The following GGACT variants were observed in gnomAD, a reference collection of about 807,000 sequenced individuals.
The protein encoded by GGACT is gamma-glutamylaminecyclotransferase.
For missense variants in GGACT, 241 were observed against 233.2 expected, an observed-to-expected ratio of 1.03 and a Z score of -0.22; for synonymous variants, 118 against 115.3, an observed-to-expected ratio of 1.02 and a Z score of -0.15.
intron 2 of GGACT, among the ~76,000 whole-genome samples, chr13:100,579,347 A>G (rs1372041065): frequency 6.6e-6 from 1 of 152,206 alleles, no homozygotes; most frequent in Non-Finnish European, 1.5e-5. Context: ...TGAGGGGTTC[A>G]GCAGCTCAGT....
At position 100,545,128 on chromosome 13, in the gene GGACT, C is replaced by T. The variant is rs559266431; in HGVS notation, c.-10-12527G>A. Among the ~76,000 whole-genome samples, 26 of 152,250 alleles carry T rather than the reference C, an allele frequency of 1.7e-4. No individual in the cohort carries two copies. Among genetic ancestry groups the T allele is most frequent in the Non-Finnish European group, 2.9e-4 (20 of 68,042 alleles). On this transcript the variant is annotated intron_variant, in intron 2 of 2. Coordinates refer to ENST00000683975, the MANE Select transcript of GGACT (RefSeq NM_001195087.2). This position sits in a 1 kb window ranked among gnomAD's most constrained non-coding sequence, Gnocchi z 4.4. ...GTCACACAGGGCCAACCTGCAGGCACGGCCTCAGGAACCTGGCTCCACTTG... is the reference window on the plus strand; with the variant it reads ...GTCACACAGGGCCAACCTGCAGGCATGGCCTCAGGAACCTGGCTCCACTTG...
chr13:100,550,401 C>T (rs1306867515), intron 2 of GGACT, among the ~76,000 whole-genome samples: 1 of 128,568 alleles, frequency 7.8e-6, no homozygotes, highest in African/African-American at 3.2e-5. Flanking sequence ...GAATTAAATC[C>T]GAGCCGATTA....
chr13:100,532,270 G>A lies in GGACT; in HGVS notation c.322C>T (p.Pro108Ser). The A allele has an allele frequency of 6.5e-7, 1 of 1,533,148 alleles. No individual in the cohort carries two copies. The highest frequency in any genetic ancestry group is 8.8e-7 in the Non-Finnish European group (1 of 1,134,814). The allele number at this position is 1,533,148 out of a possible 1,614,324, so 95.0% of individuals were successfully genotyped here. A position where few individuals can be genotyped will look rare whatever the true frequency, so the allele number is the denominator to read the frequency against. Residue 108 changes from proline to serine, a missense_variant, in exon 3 of 3, where the codon CCG (proline) becomes TCG (serine). Pro to Ser is a moderately conservative substitution (Grantham distance 74). Coordinates refer to ENST00000683975, the MANE Select transcript of GGACT (RefSeq NM_001195087.2). ...LEDRAPGAEEPPAPTAVQCFV... is the reference protein window; with the variant it reads ...LEDRAPGAEESPAPTAVQCFV... ...CACTGCACCGCGGTGGGCGCTGGCGGCTCCTCTGCGCCCGGGGCCCGGTCC... is the reference window on the plus strand; with the variant it reads ...CACTGCACCGCGGTGGGCGCTGGCGACTCCTCTGCGCCCGGGGCCCGGTCC...
chr13:100,561,092 C>T lies in GGACT; in HGVS notation c.-11+22733G>A, dbSNP rs1000471375. 3.9e-5 allele frequency among the ~76,000 whole-genome samples: 6 copies of T among 152,296 alleles called. No homozygotes were observed. The South Asian group carries it at 8.3e-4, about 21-fold the overall frequency. On this transcript the variant is annotated intron_variant, in intron 2 of 2. Transcript: ENST00000683975. ...ATTCATGGTGAAGCTTGTGGCTACGCCCTCCTAAGTCTCATCAAGCAGCAA... is the reference window on the plus strand; with the variant it reads ...ATTCATGGTGAAGCTTGTGGCTACGTCCTCCTAAGTCTCATCAAGCAGCAA...
In GGACT at chr13:100,538,949, T is replaced by C. The variant is rs377129293; in HGVS notation, c.-10-6348A>G. The stretch of plus-strand genomic sequence containing the variant: ...CACATCTTGCCTGCTTGGTTAAGTT[T>C]ATTCCTAAGTATTTTATTCTTTTTG... On this transcript the variant is annotated intron_variant, in intron 2 of 2. Coordinates refer to ENST00000683975, the MANE Select transcript of GGACT (RefSeq NM_001195087.2). 4.6e-5 allele frequency: 7 copies of C among 152,246 alleles called. No individual in the cohort carries two copies. In the East Asian group the frequency reaches 1.3e-3, roughly 29 times the overall value. The allele number at this position is 152,246 out of a possible 1,614,324, so 9.4% of individuals were successfully genotyped here. A position where few individuals can be genotyped will look rare whatever the true frequency, so the allele number is the denominator to read the frequency against.
chr13:100,584,548 A>G (rs56791702), intron 1 of GGACT, among the ~76,000 whole-genome samples: 3,352 of 152,300 alleles, frequency 0.022, 125 homozygotes, highest in African/African-American at 0.078. Flanking sequence ...AGCAGGAATA[A>G]GATCTAGTAT....
Position 100,530,664 on chromosome 13 carries a change from G to C in GGACT, c.*1466C>G. 4.3e-6 allele frequency: 1 copy of C among 230,472 alleles called. No individual in the cohort carries two copies. The highest frequency in any genetic ancestry group is 1.2e-4 in the East Asian group (1 of 8,406). 14.3% of individuals were successfully genotyped at this position (230,472 alleles called of 1,614,324 possible). On this transcript the variant is annotated 3_prime_UTR_variant, in exon 3 of 3. Transcript: ENST00000683975. ...GTGCTGATTTTCAAAACTTCCTAAGGACCAGAGACTGCAAATGCAGATTTT... is the reference window on the plus strand; with the variant it reads ...GTGCTGATTTTCAAAACTTCCTAAGCACCAGAGACTGCAAATGCAGATTTT...
intron 1 of GGACT, among the ~76,000 whole-genome samples, chr13:100,588,006 A>ACAGG (rs1240473833): frequency 6.6e-6 from 1 of 152,224 alleles, no homozygotes; most frequent in Non-Finnish European, 1.5e-5. Flanking sequence ...AGCCTGGGCA[A>ACAGG]CAGGGCAAGA....
At chr13:100,585,237 G>A (rs959989715) in intron 1 of GGACT, among the ~76,000 whole-genome samples, 6 of 152,228 alleles carry the variant, frequency 3.9e-5, no homozygotes, top group Admixed American at 1.3e-4. Flanking sequence ...GACTTGGGTC[G>A]GCAAACCACA....
At chr13:100,553,821 G>C (rs900273284) in intron 2 of GGACT, among the ~76,000 whole-genome samples, 4 of 143,956 alleles carry the variant, frequency 2.8e-5, no homozygotes, top group African/African-American at 1.1e-4. Flanking sequence ...TCCAGCGGGG[G>C]TGACGAAGCG....
chr13:100,562,703 C>T (rs548779598), intron 2 of GGACT, among the ~76,000 whole-genome samples: 15 of 150,912 alleles, frequency 9.9e-5, no homozygotes, highest in Non-Finnish European at 1.8e-4. Flanking sequence ...GGCTGAGGCA[C>T]GAGAATCACT....
chr13:100,533,125 G>A (rs139600037), intron 2 of GGACT, among the ~76,000 whole-genome samples: 77 of 152,308 alleles, frequency 5.1e-4, no homozygotes, highest in African/African-American at 1.5e-3. Flanking sequence ...CAGCCTCCCC[G>A]ACTCCCTGAG....
At chr13:100,532,646 C>T in intron 2 of GGACT, 45 bp from the exon 3 acceptor site, 1 of 1,441,106 alleles carries the variant, frequency 6.9e-7, no homozygotes. Context: ...AGTGGGAGCT[C>T]TGTGTCTGCA....
chr13:100,576,690 A>T (rs1875257212), intron 2 of GGACT, among the ~76,000 whole-genome samples: 2 of 152,220 alleles, frequency 1.3e-5, no homozygotes, highest in Non-Finnish European at 2.9e-5. Context: ...TTTCATTTAC[A>T]TGACATTCTG....
At chr13:100,575,809 C>G (rs755251952) in intron 2 of GGACT, among the ~76,000 whole-genome samples, 10 of 152,162 alleles carry the variant, frequency 6.6e-5, no homozygotes, top group Non-Finnish European at 1.3e-4. Context: ...AGTTAAAGGG[C>G]ATTCAAACAA....
rs1044617665 is a variant in GGACT, at chr13:100,531,107, C to T, written c.*1023G>A. The T allele has an allele frequency of 6.6e-6, 1 of 152,350 alleles. No individual in the cohort carries two copies. Among genetic ancestry groups the T allele is most frequent in the South Asian group, 2.1e-4 (1 of 4,826 alleles). The allele number at this position is 152,350 out of a possible 1,614,324, so 9.4% of individuals were successfully genotyped here. ...AGGTTACTAAAGATCACAGCAGCTG[C>T]ATTTTCATTTGGTTCTGAAATCCTT... On this transcript the variant is annotated 3_prime_UTR_variant, in exon 3 of 3. Transcript: ENST00000683975.
intron 2 of GGACT, among the ~76,000 whole-genome samples, chr13:100,548,802 A>G (rs1052195074): frequency 1.3e-5 from 2 of 152,286 alleles, no homozygotes; most frequent in African/African-American, 4.8e-5. Flanking sequence ...GCCCAGGCCA[A>G]GCAAGGCAAA....
rs747102570 is a variant in GGACT at position 100,573,509 on chromosome 13, T to C, written c.-11+10316A>G. On this transcript the variant is annotated intron_variant, in intron 2 of 2. Coordinates refer to ENST00000683975, the MANE Select transcript of GGACT (RefSeq NM_001195087.2). The stretch of plus-strand genomic sequence containing the variant: ...CAACAGATGTAATGGTCAATTAATA[T>C]GTTAGGTTCTTTATTTGTTTGTTTT... Among the ~76,000 whole-genome samples, 2 of 152,166 alleles carry C rather than the reference T, an allele frequency of 1.3e-5. 1 individual carries two copies. Among genetic ancestry groups the C allele is most frequent in the African/African-American group, 4.8e-5 (2 of 41,436 alleles).
intron 2 of GGACT, among the ~76,000 whole-genome samples, chr13:100,554,922 A>G (rs1052498497): frequency 2.6e-5 from 4 of 152,220 alleles, no homozygotes; most frequent in African/African-American, 9.6e-5. Context: ...CATAATGAAC[A>G]ACATTATACC....
Sources: gnomAD v4.1 joint callset for allele counts (sites outside exome capture counted in the v4.1 genomes callset) on GRCh38, gnomAD v4.1.1 for gene constraint, Gnocchi (gnomAD v3.1) non-coding constraint, MANE v1.5 for transcripts, NCBI Gene and HGNC (gene_info 2026-07-23, HGNC 2026-07-21) for gene names.